The following NRDE2 variants were observed in gnomAD, a reference collection of about 807,000 sequenced individuals.
NRDE2 encodes nuclear exosome regulator NRDE2.
Under a neutral mutation model 124.2 loss-of-function variants are expected in NRDE2, and 76 were observed. The ratio of observed to expected loss-of-function variants is 0.61; its 90% CI spans 0.51 to 0.74. The LOEUF is 0.74. Ranked by LOEUF, NRDE2 falls within the 30% of genes least tolerant of loss-of-function variation. The pLI is 0.00. For synonymous variants in NRDE2, 489 were observed against 528.1 expected (o/e 0.93, Z 1.01); for missense variants, 1,314 against 1,417.3 (o/e 0.93, Z 1.17).
intron 1 of NRDE2, among the ~76,000 whole-genome samples, chr14:90,319,544 A>C (rs936124339): frequency 2.0e-5 from 3 of 151,936 alleles, no homozygotes; most frequent in African/African-American, 4.8e-5. Flanking sequence ...CCTGCTTTCT[A>C]TCTCTCTAGA....
At position 90,269,195 on chromosome 14, in the gene NRDE2, A is replaced by T. The variant is rs1891596880; in HGVS notation, c.*9141T>A. 1 of 566,306 alleles carries T rather than the reference A, an allele frequency of 1.8e-6. No homozygotes were observed. The highest frequency in any genetic ancestry group is 3.1e-6 in the Non-Finnish European group (1 of 321,980). The allele number at this position is 566,306 out of a possible 1,614,324, so 35.1% of individuals were successfully genotyped here. A position where few individuals can be genotyped will look rare whatever the true frequency, so the allele number is the denominator to read the frequency against. ...GCCACACAGTAGGGATTAAGTTTCA[A>T]CACATAAATTTGGGGAAATACATTC... On this transcript the variant is annotated 3_prime_UTR_variant, in exon 14 of 14. Coordinates refer to ENST00000354366, the MANE Select transcript of NRDE2 (RefSeq NM_017970.4).
rs557045824 is a variant in NRDE2 at position 90,270,024 on chromosome 14, T to C, written c.*8312A>G. The stretch of plus-strand genomic sequence containing the variant: ...CTTTTAAATGAAGAGAATTCAAATG[T>C]AGAAATCTACAAACTACAAAAATAT... On this transcript the variant is annotated 3_prime_UTR_variant, in exon 14 of 14. Transcript: ENST00000354366. 7.8e-6 allele frequency: 5 copies of C among 642,180 alleles called. No homozygotes were observed. The highest frequency in any genetic ancestry group is 2.6e-5 in the South Asian group (1 of 38,012). 39.8% of individuals were successfully genotyped at this position (642,180 alleles called of 1,614,324 possible).
chr14:90,283,079 G>A (rs542812913), intron 12 of NRDE2, among the ~76,000 whole-genome samples: 19 of 152,084 alleles, frequency 1.2e-4, no homozygotes, highest in African/African-American at 4.6e-4. Context: ...CCTTCCCCCC[G>A]GCCTGCGAGG....
chr14:90,272,255 C>T lies in NRDE2; in HGVS notation c.*6081G>A. ...AAATGAGTATGTCACTTTCTGAACACACTCTTCTTTCTTACAGGCAATCTG... is the reference window on the plus strand; with the variant it reads ...AAATGAGTATGTCACTTTCTGAACATACTCTTCTTTCTTACAGGCAATCTG... On this transcript the variant is annotated 3_prime_UTR_variant, in exon 14 of 14. Transcript: ENST00000354366. The surrounding 1 kb of genome is among the most constrained non-coding windows in gnomAD (Gnocchi z 4.5). The T allele has an allele frequency of 6.2e-7, 1 of 1,601,172 alleles. No homozygotes were observed.
chr14:90,309,362 A>G (rs1296299716), intron 4 of NRDE2, among the ~76,000 whole-genome samples: 1 of 150,202 alleles, frequency 6.7e-6, no homozygotes, highest in Non-Finnish European at 1.5e-5. Context: ...AGTCCCAGCT[A>G]TTTAGGAGAC....
At chr14:90,318,275 G>A (rs903584388) in intron 1 of NRDE2, among the ~76,000 whole-genome samples, 162 bp from the exon 2 acceptor site, 8 of 152,202 alleles carry the variant, frequency 5.3e-5, no homozygotes, top group African/African-American at 1.9e-4. Context: ...CAGAATCCAT[G>A]AAATTTTTAT....
Position 90,292,707 on chromosome 14 carries a change from G to C in NRDE2, c.1832C>G (p.Pro611Arg). Residue 611 changes from proline (P) to arginine (R), a missense_variant, in exon 9 of 14, where the codon CCC becomes CGC. By Grantham distance (103) the Pro-to-Arg change is moderately radical. Coordinates refer to ENST00000354366, the MANE Select transcript of NRDE2 (RefSeq NM_017970.4). ...KKQTEEDCED[P>R]ERQVLFDDIG... ...GCGGAGGATACATGCCTGTCTCTCGGGATCCTCACAGTCTTCCTCGGTTTG... is the reference window on the plus strand; with the variant it reads ...GCGGAGGATACATGCCTGTCTCTCGCGATCCTCACAGTCTTCCTCGGTTTG... 6.2e-7 allele frequency: 1 copy of C among 1,613,784 alleles called. No individual in the cohort carries two copies. The highest frequency in any genetic ancestry group is 8.5e-7 in the Non-Finnish European group (1 of 1,179,690).
chr14:90,272,423 A>G lies in NRDE2; in HGVS notation c.*5913T>C, dbSNP rs1891694043. ...GTATCTCTAATGAACCATGGCTGTC[A>G]TCAGGAAAATGGTTGGGAGATTTCT... On this transcript the variant is annotated 3_prime_UTR_variant, in exon 14 of 14. Transcript: ENST00000354366. This position sits in a 1 kb window ranked among gnomAD's most constrained non-coding sequence, Gnocchi z 4.5. 13 of 1,529,294 alleles carry G rather than the reference A, an allele frequency of 8.5e-6. No homozygotes were observed. The highest frequency in any genetic ancestry group is 4.3e-5 in the Admixed American group (2 of 46,324). 94.7% of individuals were successfully genotyped at this position (1,529,294 alleles called of 1,614,324 possible). A position where few individuals can be genotyped will look rare whatever the true frequency, so the allele number is the denominator to read the frequency against.
At chr14:90,294,225 A>T (rs928162889) in intron 8 of NRDE2, among the ~76,000 whole-genome samples, 2 of 152,078 alleles carry the variant, frequency 1.3e-5, no homozygotes, top group Non-Finnish European at 2.9e-5. Context: ...GTTCCCAGGG[A>T]TGTGGACAAA....
chr14:90,283,090 C>T (rs1286441709), intron 12 of NRDE2, among the ~76,000 whole-genome samples: 2 of 152,206 alleles, frequency 1.3e-5, no homozygotes, highest in African/African-American at 4.8e-5. Context: ...GCCTGCGAGG[C>T]TCCCTTCTCC....
chr14:90,306,615 GGTCTGGCTA>G (rs1884611528), intron 4 of NRDE2, among the ~76,000 whole-genome samples: 1 of 151,930 alleles, frequency 6.6e-6, no homozygotes, highest in Non-Finnish European at 1.5e-5. Context: ...GTTTGAGATC[GGTCTGGCTA>G]ACATGGTGAA....
rs1278226572 is a variant in NRDE2, at chr14:90,286,465, T to C, written c.3186A>G (p.Thr1062=). The change falls in exon 12 of 14, where the codon ACA becomes ACG. Residue 1062 remains threonine (T), a synonymous_variant. Transcript: ENST00000354366. ...QRLDGREIHA[T]IPETGLMHRI... is the part of the protein sequence containing the mutation. ...GATGCATTAAGCCGGTCTCAGGAAT[T>C]GTGGCGTGGATCTCTCTACCGTCTA... 1 of 1,613,868 alleles carries C rather than the reference T, an allele frequency of 6.2e-7. No homozygotes were observed. The highest frequency in any genetic ancestry group is 2.2e-5 in the East Asian group (1 of 44,870).
intron 1 of NRDE2, among the ~76,000 whole-genome samples, chr14:90,330,357 C>T (rs763468279): frequency 6.6e-6 from 1 of 152,160 alleles, no homozygotes; most frequent in Admixed American, 6.5e-5. Context: ...TAACTACTAT[C>T]GATCTGTACA....
chr14:90,304,412 G>C, intron 4 of NRDE2, 30 bp from the exon 5 acceptor site: 1 of 1,517,034 alleles, frequency 6.6e-7, no homozygotes, highest in Non-Finnish European at 8.9e-7. Context: ...AAAAGTTACT[G>C]AGGGAATACG....
At chr14:90,290,139 A>G in intron 10 of NRDE2, 82 bp downstream of exon 10, 1 of 1,438,160 alleles carries the variant, frequency 7.0e-7, no homozygotes, top group Non-Finnish European at 9.5e-7. Flanking sequence ...CAGGGAGAGC[A>G]CTCGGAGGCT....
At chr14:90,283,338 G>C (rs934900646) in intron 12 of NRDE2, among the ~76,000 whole-genome samples, 1 of 152,118 alleles carries the variant, frequency 6.6e-6, no homozygotes, top group Non-Finnish European at 1.5e-5. Context: ...AACCAAACTA[G>C]GCTCATGGAA....
At chr14:90,294,949 G>C (rs1008825517) in intron 8 of NRDE2, among the ~76,000 whole-genome samples, 2 of 152,202 alleles carry the variant, frequency 1.3e-5, no homozygotes, top group African/African-American at 4.8e-5. Context: ...AGTTAGGAGG[G>C]GGAAGGGGCA....
At chr14:90,290,984 G>A (rs1188043608) in intron 9 of NRDE2, among the ~76,000 whole-genome samples, 4 of 152,176 alleles carry the variant, frequency 2.6e-5, no homozygotes, top group African/African-American at 9.7e-5. Context: ...AACGCATGAT[G>A]GTGAAAAATT....
At chr14:90,281,183 T>C (rs1472289991) in intron 12 of NRDE2, 1 of 152,374 alleles carries the variant, frequency 6.6e-6, no homozygotes, top group Non-Finnish European at 1.5e-5. Flanking sequence ...TCCCAGCACT[T>C]TGGGAGGCTA....
Sources: allele counts gnomAD v4.1 joint callset (sites outside exome capture counted in the v4.1 genomes callset), GRCh38; gene constraint gnomAD v4.1.1; non-coding constraint Gnocchi (gnomAD v3.1); transcripts MANE v1.5; gene names NCBI Gene and HGNC (gene_info 2026-07-23, HGNC 2026-07-21).